The following KCNIP1 variants were observed in gnomAD, a reference collection of about 807,000 sequenced individuals.
The protein encoded by KCNIP1 is A-type potassium channel modulatory protein KCNIP1.
Under a neutral mutation model 33.0 loss-of-function variants are expected in KCNIP1, and 18 were observed. The observed-to-expected ratio is 0.55, with a 90% CI of 0.38 to 0.81. The LOEUF (loss-of-function observed/expected upper bound fraction) is 0.81, where lower values mean the gene tolerates loss of function less well. Among genes scored for constraint, KCNIP1 ranks in the 30% least tolerant of loss-of-function variants. KCNIP1 has a pLI of 0.00. For missense variants in KCNIP1, 238 were observed against 271.6 expected, an observed-to-expected ratio of 0.88 and a Z score of 0.87; for synonymous variants, 93 against 98.3, an observed-to-expected ratio of 0.95 and a Z score of 0.32.
chr5:170,679,500 C>T (rs138205366), intron 1 of KCNIP1, among the ~76,000 whole-genome samples: 24 of 152,106 alleles, frequency 1.6e-4, no homozygotes, highest in African/African-American at 5.3e-4. Flanking sequence ...AAATCCATTA[C>T]GCACATACAT....
At chr5:170,371,538 C>T (rs1278823178) in intron 1 of KCNIP1, among the ~76,000 whole-genome samples, 1 of 152,182 alleles carries the variant, frequency 6.6e-6, no homozygotes, top group African/African-American at 2.4e-5. Context: ...TGAATTCCAG[C>T]TCTGCTATTT....
intron 1 of KCNIP1, among the ~76,000 whole-genome samples, chr5:170,362,736 T>A (rs1429142880): frequency 2.6e-5 from 4 of 152,180 alleles, no homozygotes; most frequent in Admixed American, 1.3e-4. Flanking sequence ...TTCTGGGGCT[T>A]GTATCTGAGA....
intron 1 of KCNIP1, among the ~76,000 whole-genome samples, chr5:170,630,001 A>G (rs1759993998): frequency 1.3e-5 from 2 of 152,210 alleles, no homozygotes; most frequent in Non-Finnish European, 1.5e-5. Context: ...AACATTGCCC[A>G]TCCCGTCTCC....
intron 1 of KCNIP1, among the ~76,000 whole-genome samples, chr5:170,369,905 C>A (rs940651683): frequency 6.6e-6 from 1 of 152,210 alleles, no homozygotes; most frequent in Non-Finnish European, 1.5e-5. Context: ...ATGAAGTGGA[C>A]TCTCAAGGAA....
At chr5:170,461,307 C>G (rs1459891337) in intron 1 of KCNIP1, among the ~76,000 whole-genome samples, 2 of 152,116 alleles carry the variant, frequency 1.3e-5, no homozygotes, top group African/African-American at 4.8e-5. Context: ...TAGAAAAAAA[C>G]AGTCTTAAAA....
At chr5:170,651,442 G>A (rs193080554) in intron 1 of KCNIP1, among the ~76,000 whole-genome samples, 1 of 152,304 alleles carries the variant, frequency 6.6e-6, no homozygotes, top group East Asian at 1.9e-4. Context: ...CATTAACCCA[G>A]CAGGAATGCT....
intron 5 of KCNIP1, among the ~76,000 whole-genome samples, chr5:170,727,355 A>G (rs752832309): frequency 1.7e-4 from 26 of 152,198 alleles, no homozygotes; most frequent in Admixed American, 2.0e-4. Flanking sequence ...TGGTTGTGAA[A>G]ATGTTCTATA....
intron 5 of KCNIP1, among the ~76,000 whole-genome samples, chr5:170,726,025 T>A (rs1295522061): frequency 6.6e-6 from 1 of 152,144 alleles, no homozygotes; most frequent in Non-Finnish European, 1.5e-5. Context: ...AGCTGTTTTC[T>A]TAAGGAATAC....
At chr5:170,669,661 G>C (rs1761842430) in intron 1 of KCNIP1, 1 of 985,310 alleles carries the variant, frequency 1.0e-6, no homozygotes, top group East Asian at 1.1e-4. Context: ...GAGTTCCTGG[G>C]TATGAAGGTT....
chr5:170,405,125 A>G (rs1755001203), intron 1 of KCNIP1, among the ~76,000 whole-genome samples: 1 of 152,204 alleles, frequency 6.6e-6, no homozygotes, highest in Admixed American at 6.5e-5. Flanking sequence ...TATGGATTAA[A>G]TAATACATAT....
intron 1 of KCNIP1, among the ~76,000 whole-genome samples, chr5:170,718,008 C>G (rs955335726): frequency 6.6e-6 from 1 of 152,198 alleles, no homozygotes; most frequent in East Asian, 1.9e-4. Context: ...CCTTGTGATC[C>G]TTCAGTGGAA....
At chr5:170,479,781 A>G (rs1232636192) in intron 1 of KCNIP1, among the ~76,000 whole-genome samples, 1 of 152,240 alleles carries the variant, frequency 6.6e-6, no homozygotes, top group Non-Finnish European at 1.5e-5. Flanking sequence ...CAAAGCACTG[A>G]TTAGTGTTCC....
At chr5:170,597,935 G>C (rs1758524325) in intron 1 of KCNIP1, among the ~76,000 whole-genome samples, 1 of 151,982 alleles carries the variant, frequency 6.6e-6, no homozygotes, top group African/African-American at 2.4e-5. Flanking sequence ...TTCAAAAGCT[G>C]TTTGAAAACT....
intron 6 of KCNIP1, 107 bp downstream of exon 6, chr5:170,733,011 G>A: frequency 6.2e-6 from 4 of 640,216 alleles, no homozygotes; most frequent in South Asian, 2.1e-5. Context: ...AAGCATGGTT[G>A]GTAACAGAAA....
intron 1 of KCNIP1, among the ~76,000 whole-genome samples, chr5:170,641,501 C>G (rs908556069): frequency 1.2e-4 from 19 of 152,230 alleles, no homozygotes; most frequent in Admixed American, 1.1e-3. Flanking sequence ...TGTGTGATGA[C>G]ACACTTGGCA....
chr5:170,466,555 G>A (rs898469067), intron 1 of KCNIP1, among the ~76,000 whole-genome samples: 1 of 152,198 alleles, frequency 6.6e-6, no homozygotes, highest in African/African-American at 2.4e-5. Context: ...GTGTCTTAGT[G>A]CATTCAGGCT....
intron 1 of KCNIP1, among the ~76,000 whole-genome samples, chr5:170,705,413 G>A (rs1167898033): frequency 1.3e-5 from 2 of 152,194 alleles, no homozygotes; most frequent in Admixed American, 1.3e-4. Flanking sequence ...GACTTCTTCA[G>A]CTAAGAGATG....
intron 1 of KCNIP1, among the ~76,000 whole-genome samples, chr5:170,364,338 C>A (rs554600932): frequency 6.6e-6 from 1 of 152,210 alleles, no homozygotes; most frequent in South Asian, 2.1e-4. Context: ...ATTCCTGTAA[C>A]AGCCTGTGTC....
intron 1 of KCNIP1, among the ~76,000 whole-genome samples, chr5:170,533,380 C>G (rs918226538): frequency 1.3e-5 from 2 of 152,212 alleles, no homozygotes; most frequent in Admixed American, 6.5e-5. Flanking sequence ...ATCCTGCAAT[C>G]CTACGCTGCG....
Sources: gnomAD v4.1 joint callset for allele counts (sites outside exome capture counted in the v4.1 genomes callset) on GRCh38, gnomAD v4.1.1 for gene constraint, MANE v1.5 for transcripts, NCBI Gene and HGNC (gene_info 2026-07-23, HGNC 2026-07-21) for gene names.